URGCP: variants seen among roughly 807,000 people sequenced by gnomAD.
URGCP encodes up-regulator of cell proliferation.
In URGCP, 13 loss-of-function variants were observed where a neutral mutation model predicts 24.6. The observed-to-expected ratio is 0.53, with a 90% CI of 0.34 to 0.84. The LOEUF is 0.84. Ranked by LOEUF, URGCP falls within the 40% of genes least tolerant of loss-of-function variation. The pLI, the probability that URGCP is intolerant of heterozygous loss-of-function variation, is 0.01. For synonymous variants in URGCP, 444 were observed against 487.2 expected, an observed-to-expected ratio of 0.91 and a Z score of 1.17; for missense variants, 899 against 1,194.3, an observed-to-expected ratio of 0.75 and a Z score of 3.64.
intron 1 of URGCP, among the ~76,000 whole-genome samples, chr7:43,900,025 G>C (rs1191010491): frequency 1.3e-5 from 2 of 151,924 alleles, no homozygotes; most frequent in African/African-American, 4.8e-5. Flanking sequence ...TGCGCCTGTA[G>C]TCCCAGCTAC....
intron 1 of URGCP, among the ~76,000 whole-genome samples, chr7:43,895,096 G>A (rs559393197): frequency 2.6e-5 from 4 of 152,150 alleles, no homozygotes; most frequent in African/African-American, 4.8e-5. Flanking sequence ...CACAGCAAAC[G>A]AAACAGCCAA....
At position 43,877,446 on chromosome 7, in the gene URGCP, G is replaced by A. The variant is rs530387888; in HGVS notation, c.2017C>T (p.Arg673Cys). Residue 673 changes from arginine to cysteine, a missense_variant, in exon 6 of 6, where the codon CGC (arginine) becomes TGC (cysteine). Transcript: ENST00000453200. ...IDGSTLSMPVRWVTGLLKELH... is the reference protein window; with the variant it reads ...IDGSTLSMPVCWVTGLLKELH... ...TCCTTCAGGAGCCCTGTGACCCAGC[G>A]GACGGGCATGCTCAGCGTGCTCCCA... is the stretch of plus-strand genomic sequence containing the variant. 7.7e-5 allele frequency: 125 copies of A among 1,613,590 alleles called. No individual in the cohort carries two copies. The highest frequency in any genetic ancestry group is 1.7e-4 in the Middle Eastern group (1 of 6,060).
intron 5 of URGCP, among the ~76,000 whole-genome samples, chr7:43,881,450 T>C (rs2095853591): frequency 6.6e-6 from 1 of 151,602 alleles, no homozygotes; most frequent in African/African-American, 2.4e-5. Flanking sequence ...CTGGTTACTC[T>C]ATGTGGTTAG....
intron 1 of URGCP, among the ~76,000 whole-genome samples, chr7:43,897,227 T>A (rs1025895712): frequency 5.9e-5 from 9 of 151,982 alleles, no homozygotes; most frequent in Middle Eastern, 6.8e-3. Flanking sequence ...AATAAATAAA[T>A]AAAAATTTAA....
chr7:43,919,502 T>G, intron 1 of URGCP: 3 of 1,224,330 alleles, frequency 2.5e-6, no homozygotes, highest in East Asian at 2.3e-5. Context: ...GGCTCCACTT[T>G]CTCATGACTG....
chr7:43,906,700 G>A, upstream of URGCP: 1 of 983,496 alleles, frequency 1.0e-6, no homozygotes, highest in Non-Finnish European at 1.2e-6. Context: ...GGGTGGAGGT[G>A]GGGTGAGGTG....
intron 1 of URGCP, among the ~76,000 whole-genome samples, chr7:43,899,175 A>G (rs2095884965): frequency 6.8e-6 from 1 of 147,732 alleles, no homozygotes; most frequent in South Asian, 2.1e-4. Context: ...TTTTATATAA[A>G]TATATATTTA....
chr7:43,921,345 A>G (rs996323791), intron 1 of URGCP, among the ~76,000 whole-genome samples: 1 of 152,138 alleles, frequency 6.6e-6, no homozygotes, highest in Admixed American at 6.6e-5. Context: ...AAAGAAAAAA[A>G]GAGAGAGGTC....
At chr7:43,920,129 T>TA in intron 1 of URGCP, 3 of 782,180 alleles carry the variant, frequency 3.8e-6, no homozygotes, top group Non-Finnish European at 4.2e-6. Context: ...ACCACTCACT[T>TA]AGAGCACAGA....
chr7:43,906,694 G>GGAGGTGGGGT (rs1215462929), upstream of URGCP: 86 of 1,051,798 alleles, frequency 8.2e-5, no homozygotes, highest in Admixed American at 2.6e-4. Flanking sequence ...CTCCAGGGGT[G>GGAGGTGGGGT]GAGGTGGGGT....
chr7:43,882,753 C>T (rs534689409), intron 3 of URGCP, among the ~76,000 whole-genome samples: 39 of 152,292 alleles, frequency 2.6e-4, no homozygotes, highest in Admixed American at 7.8e-4. Context: ...GTAATAGCTA[C>T]ACACAAGACA....
intron 1 of URGCP, among the ~76,000 whole-genome samples, chr7:43,902,412 C>T (rs1008855206): frequency 6.6e-5 from 10 of 152,196 alleles, no homozygotes. Context: ...CCCCACAGGT[C>T]CTTCCACCCA....
chr7:43,916,514 G>A (rs1585838868), intron 1 of URGCP, among the ~76,000 whole-genome samples: 1 of 152,154 alleles, frequency 6.6e-6, no homozygotes, highest in East Asian at 1.9e-4. Context: ...GGATCCAGAG[G>A]CAGACGACAA....
intron 1 of URGCP, among the ~76,000 whole-genome samples, chr7:43,913,992 C>T (rs955307720): frequency 6.6e-6 from 1 of 151,780 alleles, no homozygotes; most frequent in African/African-American, 2.4e-5. Context: ...AGCCACTGCA[C>T]CTGGCCTATT....
At chr7:43,907,220 T>C (rs2095904982), upstream of URGCP, among the ~76,000 whole-genome samples, 1 of 152,324 alleles carries the variant, frequency 6.6e-6, no homozygotes, top group South Asian at 2.1e-4. Flanking sequence ...GGCAGGTAGA[T>C]TTTTCAGCTT....
chr7:43,878,158 A>T lies in URGCP; in HGVS notation c.1305T>A (p.Val435=). ...DSFVKRIRAI[V]GNVLRAPCRR... is the part of the protein sequence containing the mutation. The stretch of plus-strand genomic sequence containing the variant: ...TGCAGGGTGCCCGCAGCACATTCCC[A>T]ACGATGGCCCGGATCCTCTTCACGA... Residue 435 remains valine (V), a synonymous_variant, in exon 6 of 6, where the codon GTT becomes GTA. Coordinates refer to ENST00000453200, the MANE Select transcript of URGCP (RefSeq NM_001077663.3). The surrounding 1 kb of genome is among the most constrained non-coding windows in gnomAD (Gnocchi z 5.6). The T allele has an allele frequency of 6.2e-7, 1 of 1,614,170 alleles. No homozygotes were observed. Among genetic ancestry groups the T allele is most frequent in the South Asian group, 1.1e-5 (1 of 91,088 alleles).
At chr7:43,896,538 G>A (rs10237376) in intron 1 of URGCP, among the ~76,000 whole-genome samples, 14,225 of 151,620 alleles carry the variant, frequency 0.094, 852 homozygotes, top group Middle Eastern at 0.16. Context: ...GGGTGAATAT[G>A]GTTAACTACA....
rs574466352 is a variant in URGCP, at chr7:43,894,692, G to C, written c.15-6876C>G. Among the ~76,000 whole-genome samples the C allele has an allele frequency of 2.6e-5, 4 of 152,170 alleles. No homozygotes were observed. The East Asian group carries it at 5.8e-4, about 22-fold the overall frequency. On this transcript the variant is annotated intron_variant, in intron 1 of 5. Transcript: ENST00000453200. The stretch of plus-strand genomic sequence containing the variant: ...TTCTTAAAAATCAAAATCATATCAA[G>C]TGTCTTCTTAGATCACAAGGGAATA...
intron 5 of URGCP, 146 bp downstream of exon 5, chr7:43,881,513 T>C: frequency 2.6e-6 from 2 of 756,864 alleles, no homozygotes; most frequent in Non-Finnish European, 2.0e-6. Context: ...TGGTTAACAA[T>C]GTATAAAGGG....
Sources: allele counts gnomAD v4.1 joint callset (sites outside exome capture counted in the v4.1 genomes callset), GRCh38; gene constraint gnomAD v4.1.1; non-coding constraint Gnocchi (gnomAD v3.1); transcripts MANE v1.5; gene names NCBI Gene and HGNC (gene_info 2026-07-23, HGNC 2026-07-21).